Variants in CLIC5 observed in about 807,000 individuals in gnomAD.
CLIC5 encodes the protein chloride intracellular channel protein 5.
A neutral mutation model predicts 24.7 loss-of-function variants in CLIC5; 20 were observed. The observed-to-expected ratio is 0.81, with a 90% CI of 0.57 to 1.18. CLIC5 has a LOEUF of 1.18. CLIC5 is among the 50% of genes most tolerant of loss of function. The pLI is 0.00. For missense variants in CLIC5, 341 were observed against 326.1 expected, an observed-to-expected ratio of 1.05 and a Z score of -0.35; for synonymous variants, 159 against 135.6, an observed-to-expected ratio of 1.17 and a Z score of -1.20.
intron 1 of CLIC5, among the ~76,000 whole-genome samples, chr6:46,044,794 TCTAAA>T (rs766676212): frequency 6.6e-6 from 1 of 152,142 alleles, no homozygotes; most frequent in Non-Finnish European, 1.5e-5. Context: ...AAAGTTACAA[TCTAAA>T]CTATATCCTA....
intron 4 of CLIC5, among the ~76,000 whole-genome samples, chr6:45,926,244 T>TATATA (rs1479166444): frequency 1.4e-3 from 130 of 95,988 alleles, no homozygotes; most frequent in Middle Eastern, 5.3e-3. Context: ...TATATATATA[T>TATATA]TTTATTTTTT....
chr6:45,997,708 T>C lies in CLIC5; in HGVS notation c.63+17772A>G, dbSNP rs527382865. Among the ~76,000 whole-genome samples, 64 of 152,320 alleles carry C rather than the reference T, an allele frequency of 4.2e-4. 2 individuals carry two copies. The highest frequency in any genetic ancestry group is 2.6e-4 in the Admixed American group (4 of 15,308). On this transcript the variant is annotated intron_variant, in intron 1 of 5. Transcript: ENST00000339561. ...GGCAAAAGTGCCCTTTATTGTTACT[T>C]GTTGGCAAAAGAAAGAACCAATTTC...
At chr6:45,999,961 A>C (rs1159216748) in intron 1 of CLIC5, among the ~76,000 whole-genome samples, 2 of 32,690 alleles carry the variant, frequency 6.1e-5, no homozygotes, top group African/African-American at 2.7e-4. Flanking sequence ...CTTGTTAGCC[A>C]GGATGGTCTC....
chr6:45,941,470 C>T, intron 4 of CLIC5, 77 bp downstream of exon 4: 2 of 1,113,276 alleles, frequency 1.8e-6, no homozygotes, highest in South Asian at 1.2e-5. Flanking sequence ...ATTTGACATG[C>T]CTATGGGCAA....
At chr6:46,054,577 C>T in intron 1 of CLIC5, among the ~76,000 whole-genome samples, 1 of 152,186 alleles carries the variant, frequency 6.6e-6, no homozygotes. Flanking sequence ...TCCCCCACAC[C>T]CCTGACAACA....
Position 45,912,836 on chromosome 6 carries a change from C to G in CLIC5, c.588+1392G>C, listed in dbSNP as rs181716885. The G allele has an allele frequency of 2.4e-4, 200 of 838,324 alleles. 2 individuals carry two copies. The East Asian group carries it at 3.9e-3, about 16-fold the overall frequency. The allele number at this position is 838,324 out of a possible 1,614,324, so 51.9% of individuals were successfully genotyped here. Reference sequence around the variant, plus strand: ...GGCTGGACCTACAAGTGACTATTGGCTTGGCCCCAAATCCAAAATGTTCTT... The same window carrying G: ...GGCTGGACCTACAAGTGACTATTGGGTTGGCCCCAAATCCAAAATGTTCTT... On this transcript the variant is annotated intron_variant, in intron 5 of 5. Coordinates refer to ENST00000339561, the MANE Select transcript of CLIC5 (RefSeq NM_016929.5).
chr6:46,031,962 A>AAT (rs897072441), intron 1 of CLIC5, among the ~76,000 whole-genome samples: 12 of 148,604 alleles, frequency 8.1e-5, no homozygotes, highest in East Asian at 7.8e-4. Context: ...ACACACAACA[A>AAT]ATATATATAT....
chr6:45,903,182 G>A lies in CLIC5; in HGVS notation c.662C>T (p.Ala221Val). The A allele has an allele frequency of 1.9e-6, 3 of 1,613,896 alleles. No individual in the cohort carries two copies. Among genetic ancestry groups the A allele is most frequent in the Non-Finnish European group, 1.7e-6 (2 of 1,179,924 alleles). ...GTTGGTGAACTCATCACGGGCATAG[G>A]CGTTCTTGAGGTACCGCCACAGGCC... ...MTGLWRYLKN[A>V]YARDEFTNTC... Residue 221 changes from alanine (A) to valine (V), a missense_variant, in exon 6 of 6, where the codon GCC becomes GTC. Physicochemically the swap from Ala to Val is moderately conservative, Grantham distance 64 (BLOSUM62 0). Coordinates refer to ENST00000339561, the MANE Select transcript of CLIC5 (RefSeq NM_016929.5).
chr6:46,037,659 A>G (rs1485013747), intron 1 of CLIC5, among the ~76,000 whole-genome samples: 1 of 152,240 alleles, frequency 6.6e-6, no homozygotes, highest in Non-Finnish European at 1.5e-5. Flanking sequence ...GTGTCATTTA[A>G]TGCTGAGGAC....
chr6:46,048,178 T>G (rs779551804), intron 1 of CLIC5, among the ~76,000 whole-genome samples: 31 of 152,158 alleles, frequency 2.0e-4, no homozygotes, highest in Non-Finnish European at 3.8e-4. Context: ...AATTTTTGTA[T>G]TTTTACTAGA....
chr6:45,982,157 C>T (rs1765589937), intron 1 of CLIC5, among the ~76,000 whole-genome samples: 1 of 152,064 alleles, frequency 6.6e-6, no homozygotes, highest in Admixed American at 6.5e-5. Flanking sequence ...GAAGAGGTAG[C>T]TGTAGAACCT....
At chr6:46,123,501 C>G in the CLIC5 span, among the ~76,000 whole-genome samples, 5 of 152,220 alleles carry the variant, frequency 3.3e-5, no homozygotes, top group Non-Finnish European at 7.3e-5. Flanking sequence ...AAACTGGAAG[C>G]ATTCCCTTTG....
chr6:45,935,297 A>C (rs931761702), intron 4 of CLIC5, among the ~76,000 whole-genome samples: 2 of 152,018 alleles, frequency 1.3e-5, no homozygotes, highest in African/African-American at 4.8e-5. Flanking sequence ...GCAGGCGGGG[A>C]GGGGTGTTTC....
intron 6 of CLIC5, among the ~76,000 whole-genome samples, chr6:45,884,640 T>C (rs910174741): frequency 6.6e-6 from 1 of 152,162 alleles, no homozygotes; most frequent in African/African-American, 2.4e-5. Flanking sequence ...AATTCAGTCA[T>C]GGAAGCTGGG....
intron 1 of CLIC5, among the ~76,000 whole-genome samples, chr6:45,977,369 T>C (rs1389699452): frequency 2.0e-5 from 3 of 152,190 alleles, no homozygotes; most frequent in Non-Finnish European, 4.4e-5. Context: ...GTGGCTTTTT[T>C]TGAAAGATGA....
intron 1 of CLIC5, among the ~76,000 whole-genome samples, chr6:45,969,034 A>T (rs899699949): frequency 1.3e-5 from 2 of 152,214 alleles, no homozygotes; most frequent in African/African-American, 4.8e-5. Flanking sequence ...CTCTGTTCCT[A>T]AAATGTGGCT....
chr6:46,112,240 T>C, the CLIC5 span, among the ~76,000 whole-genome samples: 1 of 152,154 alleles, frequency 6.6e-6, no homozygotes, highest in Non-Finnish European at 1.5e-5. Flanking sequence ...AGCCAGCTTT[T>C]CTCTGAGGCC....
At chr6:45,975,498 T>C (rs1269166512) in intron 1 of CLIC5, among the ~76,000 whole-genome samples, 1 of 152,206 alleles carries the variant, frequency 6.6e-6, no homozygotes. Context: ...CATGTATAGA[T>C]GGCATCCTCA....
chr6:46,065,870 C>T (rs956350442), intron 1 of CLIC5, among the ~76,000 whole-genome samples: 2 of 152,078 alleles, frequency 1.3e-5, no homozygotes, highest in Non-Finnish European at 2.9e-5. Flanking sequence ...TCAAAACTCC[C>T]TCAAATGCAC....
Sources: allele counts gnomAD v4.1 joint callset (sites outside exome capture counted in the v4.1 genomes callset), GRCh38; gene constraint gnomAD v4.1.1; transcripts MANE v1.5; gene names NCBI Gene and HGNC (gene_info 2026-07-23, HGNC 2026-07-21).